ALG14: variants seen among roughly 807,000 people sequenced by gnomAD.
The protein encoded by ALG14 is UDP-N-acetylglucosamine transferase subunit ALG14.
A neutral mutation model predicts 22.8 loss-of-function variants in ALG14; 17 were observed. The observed-to-expected ratio is 0.75, with a 90% CI of 0.51 to 1.12. The LOEUF is 1.12. ALG14 is among the 50% of genes most tolerant of loss of function. ALG14 has a pLI of 0.00. For synonymous variants in ALG14, 89 were observed against 103.7 expected (o/e 0.86, Z 0.86); for missense variants, 288 against 271.8 (o/e 1.06, Z -0.42).
Position 94,981,663 on chromosome 1 carries a change from T to A in ALG14, c.*1413A>T. Reference sequence around the variant, plus strand: ...TACTACAGGAGAGAATCTTCTCTTTTCTGTTTTTTATTTTGTTTTGTTTTT... The same window carrying A: ...TACTACAGGAGAGAATCTTCTCTTTACTGTTTTTTATTTTGTTTTGTTTTT... On this transcript the variant is annotated 3_prime_UTR_variant, in exon 4 of 4. Coordinates refer to ENST00000370205, the MANE Select transcript of ALG14 (RefSeq NM_144988.4). 6.7e-6 allele frequency: 1 copy of A among 149,744 alleles called. No homozygotes were observed. Among genetic ancestry groups the A allele is most frequent in the East Asian group, 2.0e-4 (1 of 4,966 alleles). 9.3% of individuals were successfully genotyped at this position (149,744 alleles called of 1,614,324 possible).
chr1:95,058,284 G>GA (rs56748968), intron 2 of ALG14, among the ~76,000 whole-genome samples: 3,245 of 20,484 alleles, frequency 0.16, 833 homozygotes, highest in East Asian at 0.36. Flanking sequence ...GACTCCATCT[G>GA]AAAAAAAAAA....
rs541102668 is a variant in ALG14 at position 94,995,014 on chromosome 1, C to T, written c.421-11708G>A. Among the ~76,000 whole-genome samples, 18 of 152,306 alleles carry T rather than the reference C, an allele frequency of 1.2e-4. No homozygotes were observed. In the South Asian group the frequency reaches 3.5e-3, roughly 30 times the overall value. ...TTCAAAGTGATTATATAACTCCTGA[C>T]TTCAATCATGGCACTCTCTTAAGTA... On this transcript the variant is annotated intron_variant, in intron 3 of 3. Coordinates refer to ENST00000370205, the MANE Select transcript of ALG14 (RefSeq NM_144988.4).
chr1:95,015,572 T>C (rs1291526682), intron 3 of ALG14, among the ~76,000 whole-genome samples: 1 of 152,186 alleles, frequency 6.6e-6, no homozygotes, highest in African/African-American at 2.4e-5. Flanking sequence ...ACTGGGGAAC[T>C]AAGGTTGTTT....
At chr1:95,020,801 TTAAAG>T (rs1249057239) in intron 3 of ALG14, among the ~76,000 whole-genome samples, 1 of 150,864 alleles carries the variant, frequency 6.6e-6, no homozygotes, top group Non-Finnish European at 1.5e-5. Flanking sequence ...CACCAAGAAA[TTAAAG>T]TAAAGCAACT....
At position 95,056,210 on chromosome 1, in the gene ALG14, G is replaced by T. The variant is rs143683226; in HGVS notation, c.288+8656C>A. On this transcript the variant is annotated intron_variant, in intron 2 of 3. Coordinates refer to ENST00000370205, the MANE Select transcript of ALG14 (RefSeq NM_144988.4). ...ACCTATACATACACAAAAACTTCAC[G>T]TATCAGTGGTGGCACTGCAGAAATG... Among the ~76,000 whole-genome samples, 3 of 152,098 alleles carry T rather than the reference G, an allele frequency of 2.0e-5. No individual in the cohort carries two copies. In the East Asian group the frequency reaches 5.8e-4, roughly 29 times the overall value.
In ALG14 at chr1:94,992,632, G is replaced by C. The variant is rs1672803851; in HGVS notation, c.421-9326C>G. ...ATACCAGGGTGAAACTGTATCTCAG[G>C]GTTCTGAACTTCTTGTAGTGAATAA... On this transcript the variant is annotated intron_variant, in intron 3 of 3. Transcript: ENST00000370205. Among the ~76,000 whole-genome samples the C allele has an allele frequency of 2.6e-5, 4 of 152,154 alleles. No homozygotes were observed. The South Asian group carries it at 8.3e-4, about 32-fold the overall frequency.
intron 3 of ALG14, among the ~76,000 whole-genome samples, chr1:94,997,836 G>A (rs773117550): frequency 1.3e-5 from 2 of 152,146 alleles, no homozygotes; most frequent in Non-Finnish European, 2.9e-5. Context: ...ACTGAAGCGG[G>A]GAGGAGAATC....
intron 3 of ALG14, among the ~76,000 whole-genome samples, chr1:95,003,092 A>G (rs1263118989): frequency 6.6e-6 from 1 of 152,264 alleles, no homozygotes; most frequent in Non-Finnish European, 1.5e-5. Context: ...TTAAACATTT[A>G]GCAGAGTATT....
Position 94,976,311 on chromosome 1 carries a change from G to A in ALG14, c.*6765C>T, listed in dbSNP as rs1672396594. On this transcript the variant is annotated 3_prime_UTR_variant, in exon 4 of 4. Coordinates refer to ENST00000370205, the MANE Select transcript of ALG14 (RefSeq NM_144988.4). ...AGAGAACTTGGATACTAAGGTAGGA[G>A]TTTGGTGGCCCAAGTGAAAGGTTAT... 1 of 152,132 alleles carries A rather than the reference G, an allele frequency of 6.6e-6. No individual in the cohort carries two copies. The highest frequency in any genetic ancestry group is 1.5e-5 in the Non-Finnish European group (1 of 68,032). 9.4% of individuals were successfully genotyped at this position (152,132 alleles called of 1,614,324 possible).
intron 2 of ALG14, among the ~76,000 whole-genome samples, chr1:95,048,252 G>C (rs71654403): frequency 0.18 from 26,703 of 152,108 alleles, 2,612 homozygotes; most frequent in African/African-American, 0.26. Flanking sequence ...AGTTGGCTCT[G>C]ACTTTTAACC....
intron 3 of ALG14, among the ~76,000 whole-genome samples, chr1:95,004,817 ATTT>A (rs1673173136): frequency 1.2e-5 from 1 of 80,904 alleles, no homozygotes; most frequent in African/African-American, 5.5e-5. Context: ...TTTTATTTTT[ATTT>A]TTTGAGACAG....
intron 2 of ALG14, among the ~76,000 whole-genome samples, chr1:95,055,828 T>TAAAA (rs35131311): frequency 1.5e-3 from 50 of 33,052 alleles, no homozygotes; most frequent in Non-Finnish European, 1.7e-3. Flanking sequence ...CCGTCTCTAC[T>TAAAA]AAAAAAAAAA....
In ALG14 at chr1:95,064,866, C is replaced by A. The variant is rs143242417; in HGVS notation, c.288G>T (p.Met96Ile). Residue 96 changes from methionine to isoleucine, a missense_variant and splice_region_variant, in exon 2 of 4, where the codon ATG becomes ATT. Transcript: ENST00000370205. ...LDRADRDPSN[M>I]YTKYYIHRIP... ...CTTAGAAATAGAAATTGTCACTTACCATGTTACTAGGGTCTCTATCAGCTC... is the reference window on the plus strand; with the variant it reads ...CTTAGAAATAGAAATTGTCACTTACAATGTTACTAGGGTCTCTATCAGCTC... The A allele has an allele frequency of 5.0e-6, 8 of 1,604,880 alleles. No individual in the cohort carries two copies. The highest frequency in any genetic ancestry group is 3.4e-5 in the Admixed American group (2 of 58,072).
chr1:95,066,733 A>G (rs1018857160), intron 1 of ALG14, among the ~76,000 whole-genome samples: 3 of 151,778 alleles, frequency 2.0e-5, no homozygotes, highest in African/African-American at 4.8e-5. Context: ...TTTAGCCTCG[A>G]AAAAAAACAA....
rs996094516 is a variant in ALG14, at chr1:94,976,883, G to A, written c.*6193C>T. On this transcript the variant is annotated 3_prime_UTR_variant, in exon 4 of 4. Coordinates refer to ENST00000370205, the MANE Select transcript of ALG14 (RefSeq NM_144988.4). Reference sequence around the variant, plus strand: ...AGTTGACCTTGAATTAATCAAAAGGGAGATTACACTGACTCAGTCATGTGA... The same window carrying A: ...AGTTGACCTTGAATTAATCAAAAGGAAGATTACACTGACTCAGTCATGTGA... 2 of 152,094 alleles carry A rather than the reference G, an allele frequency of 1.3e-5. No individual in the cohort carries two copies. The highest frequency in any genetic ancestry group is 4.8e-5 in the African/African-American group (2 of 41,406). 9.4% of individuals were successfully genotyped at this position (152,094 alleles called of 1,614,324 possible).
rs750432163 is a variant in ALG14 at position 94,975,503 on chromosome 1, C to T, written c.*7573G>A. The T allele has an allele frequency of 3.3e-5, 5 of 152,086 alleles. No homozygotes were observed. Among genetic ancestry groups the T allele is most frequent in the Non-Finnish European group, 7.3e-5 (5 of 68,036 alleles). 9.4% of individuals were successfully genotyped at this position (152,086 alleles called of 1,614,324 possible). The stretch of plus-strand genomic sequence containing the variant: ...GTTTTTAATTCTCCAGGGTATACAC[C>T]TATGGGTAGAATTTCTGGGTCATAT... On this transcript the variant is annotated 3_prime_UTR_variant, in exon 4 of 4. Transcript: ENST00000370205.
At chr1:95,013,755 G>C (rs1673432422) in intron 3 of ALG14, among the ~76,000 whole-genome samples, 1 of 152,112 alleles carries the variant, frequency 6.6e-6, no homozygotes, top group African/African-American at 2.4e-5. Flanking sequence ...TTACTTCAGA[G>C]TCTCAAAATT....
At chr1:95,018,128 G>T (rs1219247802) in intron 3 of ALG14, among the ~76,000 whole-genome samples, 1 of 152,076 alleles carries the variant, frequency 6.6e-6, no homozygotes, top group Non-Finnish European at 1.5e-5. Context: ...TTTTTCTTGT[G>T]TATCACAACT....
At chr1:95,041,992 G>A (rs1316889158) in intron 2 of ALG14, among the ~76,000 whole-genome samples, 1 of 152,102 alleles carries the variant, frequency 6.6e-6, no homozygotes, top group African/African-American at 2.4e-5. Context: ...ATTGGTGCTT[G>A]TGGTATGTGT....
Sources: gnomAD v4.1 joint callset for allele counts (sites outside exome capture counted in the v4.1 genomes callset) on GRCh38, gnomAD v4.1.1 for gene constraint, MANE v1.5 for transcripts, NCBI Gene and HGNC (gene_info 2026-07-23, HGNC 2026-07-21) for gene names.